Variants in ANKFN1 observed in about 807,000 individuals in gnomAD.
The protein encoded by ANKFN1 is ankyrin repeat and fibronectin type-III domain-containing protein 1.
Under a neutral mutation model 108.7 loss-of-function variants are expected in ANKFN1, and 74 were observed. The observed-to-expected ratio is 0.68, with a 90% CI of 0.56 to 0.83. The LOEUF is 0.83. Among genes scored for constraint, ANKFN1 ranks in the 40% least tolerant of loss-of-function variants. The pLI is 0.00. For synonymous variants in ANKFN1, 547 were observed against 516.2 expected (o/e 1.06, Z -0.81); for missense variants, 1,505 against 1,382.3 (o/e 1.09, Z -1.41).
intron 4 of ANKFN1, among the ~76,000 whole-genome samples, chr17:56,096,370 C>A (rs1215043343): frequency 6.6e-6 from 1 of 152,168 alleles, no homozygotes; most frequent in Non-Finnish European, 1.5e-5. Flanking sequence ...CTGCCCACCC[C>A]AAATAGTCCT....
chr17:56,469,015 G>A (rs558185815), intron 15 of ANKFN1, among the ~76,000 whole-genome samples: 1 of 152,260 alleles, frequency 6.6e-6, no homozygotes, highest in Admixed American at 6.5e-5. Context: ...TAGAAACACA[G>A]CACAGGCCTC....
intron 8 of ANKFN1, among the ~76,000 whole-genome samples, chr17:56,432,472 T>C (rs2048790320): frequency 6.6e-6 from 1 of 152,248 alleles, no homozygotes; most frequent in African/African-American, 2.4e-5. Context: ...GTTAGTCCTG[T>C]TCAGGCGTAA....
chr17:56,303,043 G>T (rs775895119), intron 3 of ANKFN1, among the ~76,000 whole-genome samples: 2 of 152,220 alleles, frequency 1.3e-5, no homozygotes, highest in Non-Finnish European at 2.9e-5. Flanking sequence ...TGTAACTCAT[G>T]CTCTGTCTAC....
At chr17:56,325,094 A>G (rs1316149282) in intron 3 of ANKFN1, among the ~76,000 whole-genome samples, 4 of 152,194 alleles carry the variant, frequency 2.6e-5, no homozygotes, top group Admixed American at 1.3e-4. Context: ...AGTCTCATTC[A>G]AAATTTGAGA....
chr17:56,054,126 T>C (rs528481021), intron 4 of ANKFN1, among the ~76,000 whole-genome samples: 1 of 152,320 alleles, frequency 6.6e-6, no homozygotes, highest in East Asian at 1.9e-4. Flanking sequence ...TTGGTGGGAA[T>C]GTAAATTAGT....
intron 1 of ANKFN1, among the ~76,000 whole-genome samples, chr17:56,169,073 C>T (rs952643292): frequency 5.9e-5 from 9 of 152,050 alleles, no homozygotes; most frequent in African/African-American, 1.9e-4. Context: ...GCGGGGAAAA[C>T]AATGGTCTTT....
At chr17:56,456,600 G>A (rs990359457) in intron 11 of ANKFN1, among the ~76,000 whole-genome samples, 1 of 151,834 alleles carries the variant, frequency 6.6e-6, no homozygotes, top group Admixed American at 6.6e-5. Flanking sequence ...GTTTCACCAT[G>A]TTGGTCAGGC....
intron 3 of ANKFN1, among the ~76,000 whole-genome samples, chr17:56,259,558 G>C (rs2043450554): frequency 6.6e-6 from 1 of 152,098 alleles, no homozygotes; most frequent in Admixed American, 6.5e-5. Context: ...TTGGGGTAGG[G>C]AGGTGTTCCC....
upstream of ANKFN1, chr17:56,153,368 C>A: frequency 9.9e-7 from 1 of 1,013,266 alleles, no homozygotes; most frequent in Non-Finnish European, 1.5e-6. Flanking sequence ...TGGAGCCAAG[C>A]CGTGGGAGAG....
chr17:56,374,594 G>A lies in ANKFN1; in HGVS notation c.797-7G>A. ...TTAAGATCCTTGTGTTTTTCCTTCT[G>A]TCCCAGGAGCCCCTGAGATGCCAAC... On this transcript the variant is annotated splice_region_variant and splice_polypyrimidine_tract_variant and intron_variant, in intron 7 of 20. Transcript: ENST00000682825. 1.9e-6 allele frequency: 3 copies of A among 1,605,420 alleles called. No individual in the cohort carries two copies. The highest frequency in any genetic ancestry group is 2.6e-6 in the Non-Finnish European group (3 of 1,172,670).
chr17:56,250,304 T>C (rs557946826), intron 3 of ANKFN1, among the ~76,000 whole-genome samples: 4 of 152,276 alleles, frequency 2.6e-5, no homozygotes, highest in Admixed American at 2.6e-4. Context: ...TCATCTTACA[T>C]GAGCACTACA....
At chr17:56,188,581 G>GTGTGTATATATATATATA (rs1212242378) in intron 1 of ANKFN1, among the ~76,000 whole-genome samples, 16 of 49,644 alleles carry the variant, frequency 3.2e-4, no homozygotes, top group East Asian at 7.4e-4. Flanking sequence ...GTGTGTGTGT[G>GTGTGTATATATATATATA]TATATATATA....
chr17:56,255,964 G>T (rs146230592), intron 3 of ANKFN1, among the ~76,000 whole-genome samples: 1 of 151,988 alleles, frequency 6.6e-6, no homozygotes, highest in Non-Finnish European at 1.5e-5. Context: ...GCTTGAGACC[G>T]GGAGTTCCAG....
chr17:56,339,030 T>C (rs565547361), intron 4 of ANKFN1, among the ~76,000 whole-genome samples: 3 of 152,142 alleles, frequency 2.0e-5, no homozygotes, highest in African/African-American at 7.2e-5. Flanking sequence ...GAACAAGGAA[T>C]GTCTTTCTAT....
chr17:56,392,597 C>A (rs2047473233), intron 8 of ANKFN1, among the ~76,000 whole-genome samples: 1 of 152,172 alleles, frequency 6.6e-6, no homozygotes, highest in Non-Finnish European at 1.5e-5. Flanking sequence ...AATAAACACA[C>A]CGTGGGCACA....
At chr17:56,360,540 G>C (rs1027278324) in intron 6 of ANKFN1, among the ~76,000 whole-genome samples, 2 of 151,984 alleles carry the variant, frequency 1.3e-5, no homozygotes, top group Admixed American at 6.6e-5. Flanking sequence ...AATTCCAAAG[G>C]ACAGCACCTC....
rs2046847126 is a variant in ANKFN1, at chr17:56,372,820, A to T, written c.776A>T (p.Lys259Ile). 1.2e-6 allele frequency: 2 copies of T among 1,613,618 alleles called. No homozygotes were observed. Among genetic ancestry groups the T allele is most frequent in the Non-Finnish European group, 1.7e-6 (2 of 1,179,860 alleles). Residue 259 changes from lysine to isoleucine, a missense_variant, in exon 7 of 21, where the codon AAA becomes ATA. Physicochemically the swap from Lys to Ile is moderately radical, Grantham distance 102. Coordinates refer to ENST00000682825, the MANE Select transcript of ANKFN1 (RefSeq NM_001370326.1). Reference sequence around the variant, plus strand: ...AGGTATCGGCTCTACAGACGCATGAAAACAGGCTTTGAGCATGCCAGTGAG... The same window carrying T: ...AGGTATCGGCTCTACAGACGCATGATAACAGGCTTTGAGCATGCCAGTGAG... Reference protein sequence around the residue: ...EWRYRLYRRMKTGFEHARAPE... With the variant: ...EWRYRLYRRMITGFEHARAPE...
chr17:56,355,254 T>G (rs1328391021), intron 6 of ANKFN1, among the ~76,000 whole-genome samples: 4 of 152,198 alleles, frequency 2.6e-5, no homozygotes, highest in Non-Finnish European at 5.9e-5. Flanking sequence ...AAAAAATGAA[T>G]ACATAAATAG....
intron 10 of ANKFN1, 101 bp downstream of exon 10, chr17:56,443,034 C>T: frequency 9.1e-7 from 1 of 1,094,442 alleles, no homozygotes; most frequent in East Asian, 2.5e-5. Context: ...CTGCTTGCAA[C>T]CCATAAGACC....
Sources: gnomAD v4.1 joint callset for allele counts (sites outside exome capture counted in the v4.1 genomes callset) on GRCh38, gnomAD v4.1.1 for gene constraint, MANE v1.5 for transcripts, NCBI Gene and HGNC (gene_info 2026-07-23, HGNC 2026-07-21) for gene names.